The following SNRPE variants were observed in gnomAD, a reference collection of about 807,000 sequenced individuals.
The protein encoded by SNRPE is small nuclear ribonucleoprotein polypeptide E.
For synonymous variants in SNRPE, 35 were observed against 36.7 expected (o/e 0.95, Z 0.17); for missense variants, 53 against 111.6 (o/e 0.48, Z 2.36).
intron 2 of SNRPE, 25 bp from the exon 3 acceptor site, chr1:203,863,638 G>A (rs764638129): frequency 1.0e-5 from 16 of 1,597,464 alleles, no homozygotes; most frequent in Admixed American, 1.7e-5. Context: ...TTTTTTTAAC[G>A]TTTCCACTTT....
intron 4 of SNRPE, among the ~76,000 whole-genome samples, chr1:203,865,896 A>G (rs1690077580): frequency 1.3e-5 from 2 of 152,224 alleles, no homozygotes; most frequent in African/African-American, 2.4e-5. Context: ...AGGGCAAGGC[A>G]TATAGGAAGG....
At chr1:203,869,801 A>G (rs970711502) in intron 4 of SNRPE, 76 bp from the exon 5 acceptor site, 1 of 1,010,984 alleles carries the variant, frequency 9.9e-7, no homozygotes, top group South Asian at 1.5e-5. Flanking sequence ...TTGTTCAAAA[A>G]CTGGATACAA....
intron 4 of SNRPE, among the ~76,000 whole-genome samples, chr1:203,868,083 A>G (rs1317953339): frequency 3.3e-5 from 2 of 61,426 alleles, no homozygotes; most frequent in African/African-American, 1.1e-4. Context: ...TTTTGGAGAC[A>G]GAGTCTCTGT....
intron 1 of SNRPE, 29 bp downstream of exon 1, chr1:203,861,742 A>G: frequency 1.9e-6 from 3 of 1,568,218 alleles, no homozygotes; most frequent in Middle Eastern, 1.7e-4. Context: ...CAGGACTAGG[A>G]GGTTCGGGTC....
chr1:203,868,964 C>G (rs1188909043), intron 4 of SNRPE, among the ~76,000 whole-genome samples: 1 of 152,232 alleles, frequency 6.6e-6, no homozygotes, highest in Non-Finnish European at 1.5e-5. Context: ...CCACCATACC[C>G]AGCCGGGTTT....
In SNRPE at chr1:203,863,646, T is replaced by G. The variant is rs1364872851; in HGVS notation, c.82-17T>G. 1 of 1,604,616 alleles carries G rather than the reference T, an allele frequency of 6.2e-7. No individual in the cohort carries two copies. The highest frequency in any genetic ancestry group is 8.5e-7 in the Non-Finnish European group (1 of 1,171,694). On this transcript the variant is annotated splice_polypyrimidine_tract_variant and intron_variant, in intron 2 of 4. Coordinates refer to ENST00000414487, the MANE Select transcript of SNRPE (RefSeq NM_003094.4). ...ATTTTTCTTTTTTTAACGTTTCCACTTTTATGATTATTTCAGAGATCGCGG... is the reference window on the plus strand; with the variant it reads ...ATTTTTCTTTTTTTAACGTTTCCACGTTTATGATTATTTCAGAGATCGCGG...
chr1:203,861,667 A>T lies in SNRPE; in HGVS notation c.8A>T (p.Tyr3Phe), dbSNP rs767777578. The change falls in exon 1 of 5, where the codon TAC becomes TTC. Residue 3 changes from tyrosine (Y) to phenylalanine (F), a missense_variant. Transcript: ENST00000414487. ...TCTTTGTGAAATTCCACCATGGCGT[A>T]CCGTGGCCAGGGTCAGAAAGTGCAG... is the stretch of plus-strand genomic sequence containing the variant. Reference protein sequence around the residue: MAYRGQGQKVQKV... With the variant: MAFRGQGQKVQKV... 3.7e-6 allele frequency: 6 copies of T among 1,612,676 alleles called. No individual in the cohort carries two copies. The highest frequency in any genetic ancestry group is 5.1e-6 in the Non-Finnish European group (6 of 1,178,640).
intron 2 of SNRPE, 73 bp from the exon 3 acceptor site, chr1:203,863,590 A>G: frequency 9.8e-7 from 1 of 1,021,676 alleles, no homozygotes; most frequent in Non-Finnish European, 1.6e-6. Flanking sequence ...AAGTGCTGGG[A>G]TTACAGGCGT....
chr1:203,863,080 T>C (rs1270086900), intron 2 of SNRPE, among the ~76,000 whole-genome samples: 2 of 151,934 alleles, frequency 1.3e-5, no homozygotes, highest in Non-Finnish European at 2.9e-5. Context: ...TTCTTAGATA[T>C]GGGCTAATTA....
intron 3 of SNRPE, 103 bp from the exon 4 acceptor site, chr1:203,864,938 G>A (rs1371806898): frequency 2.9e-6 from 3 of 1,051,256 alleles, no homozygotes; most frequent in Non-Finnish European, 3.9e-6. Context: ...TGAGAAGAGT[G>A]AATCTTTGAA....
chr1:203,861,634 G>C lies in SNRPE; in HGVS notation c.-26G>C, dbSNP rs190691844. On this transcript the variant is annotated 5_prime_UTR_variant, in exon 1 of 5. Transcript: ENST00000414487. ...GAAGTTGCTCTCAGAGGCAGCGTGC[G>C]GGTGTGCTCTTTGTGAAATTCCACC... is the stretch of plus-strand genomic sequence containing the variant. 1.4e-5 allele frequency: 22 copies of C among 1,600,344 alleles called. No individual in the cohort carries two copies. The East Asian group carries it at 4.2e-4, about 31-fold the overall frequency.
chr1:203,869,361 C>T (rs1690167545), intron 4 of SNRPE, among the ~76,000 whole-genome samples: 1 of 117,614 alleles, frequency 8.5e-6, no homozygotes, highest in Admixed American at 1.2e-4. Flanking sequence ...GGCTGGAGTG[C>T]AATGGTGCCA....
chr1:203,861,851 A>T, intron 1 of SNRPE, 138 bp downstream of exon 1: 1 of 737,702 alleles, frequency 1.4e-6, no homozygotes, highest in Non-Finnish European at 2.5e-6. Context: ...GACTGGAAGA[A>T]AGCGCGGGTA....
intron 2 of SNRPE, among the ~76,000 whole-genome samples, chr1:203,862,891 C>T (rs1446958267): frequency 6.6e-6 from 1 of 152,078 alleles, no homozygotes; most frequent in Admixed American, 6.5e-5. Flanking sequence ...AGCCCTTGGT[C>T]ATTAGAAATT....
At chr1:203,868,292 G>T (rs1406601693) in intron 4 of SNRPE, among the ~76,000 whole-genome samples, 1 of 152,016 alleles carries the variant, frequency 6.6e-6, no homozygotes, top group Non-Finnish European at 1.5e-5. Flanking sequence ...CTGAGCTCAG[G>T]CAATCCACCT....
rs1484331309 is a variant in SNRPE, at chr1:203,870,686, T to G, written c.*754T>G. 1 of 152,224 alleles carries G rather than the reference T, an allele frequency of 6.6e-6. No individual in the cohort carries two copies. Among genetic ancestry groups the G allele is most frequent in the Non-Finnish European group, 1.5e-5 (1 of 68,042 alleles). 9.4% of individuals were successfully genotyped at this position (152,224 alleles called of 1,614,324 possible). On this transcript the variant is annotated 3_prime_UTR_variant, in exon 5 of 5. Coordinates refer to ENST00000414487, the MANE Select transcript of SNRPE (RefSeq NM_003094.4). Reference sequence around the variant, plus strand: ...GAATTTTGGTTCTTCCCCCAGTGATTGCTGGTTGAATTCTTATATGGACAG... The same window carrying G: ...GAATTTTGGTTCTTCCCCCAGTGATGGCTGGTTGAATTCTTATATGGACAG...
intron 1 of SNRPE, 64 bp downstream of exon 1, chr1:203,861,777 G>A (rs2103504522): frequency 1.7e-6 from 2 of 1,187,310 alleles, no homozygotes; most frequent in East Asian, 4.7e-5. Flanking sequence ...GAAGGCGCAG[G>A]CTGAGGGCAG....
Position 203,869,917 on chromosome 1 carries a change from A to G in SNRPE, c.264A>G (p.Gln88=), listed in dbSNP as rs1690180306. Residue 88 remains glutamine (Q), a synonymous_variant, in exon 5 of 5, where the codon CAA becomes CAG. Coordinates refer to ENST00000414487, the MANE Select transcript of SNRPE (RefSeq NM_003094.4). ...AAGGAGATAATATTACTCTGCTACA[A>G]AGTGTCTCCAACTAGAAATGATCAA... ...MLKGDNITLL[Q]SVSN is the part of the protein sequence containing the mutation. 1 of 1,601,378 alleles carries G rather than the reference A, an allele frequency of 6.2e-7. No homozygotes were observed. The highest frequency in any genetic ancestry group is 1.7e-5 in the Admixed American group (1 of 58,712).
chr1:203,869,254 T>C (rs1170136909), intron 4 of SNRPE, among the ~76,000 whole-genome samples: 1 of 148,652 alleles, frequency 6.7e-6, no homozygotes, highest in Non-Finnish European at 1.5e-5. Context: ...TAGGAAATTT[T>C]GGGTAAAACA....
Sources: gnomAD v4.1 joint callset for allele counts (sites outside exome capture counted in the v4.1 genomes callset) on GRCh38, gnomAD v4.1.1 for gene constraint, MANE v1.5 for transcripts, NCBI Gene and HGNC (gene_info 2026-07-23, HGNC 2026-07-21) for gene names.